ZNF493: variants seen among roughly 807,000 people sequenced by gnomAD.
ZNF493 encodes the protein zinc finger protein 493.
Under a neutral mutation model 12.2 loss-of-function variants are expected in ZNF493, and 11 were observed. That is an observed-to-expected ratio of 0.90 (90% confidence interval 0.57 to 1.50). The LOEUF (loss-of-function observed/expected upper bound fraction) is 1.50, where lower values mean the gene tolerates loss of function less well. Among genes scored for constraint, ZNF493 ranks in the 40% most tolerant of loss-of-function variants. The pLI is 0.00. For synonymous variants in ZNF493, 286 were observed against 302.6 expected (o/e 0.95, Z 0.57); for missense variants, 950 against 906.6 (o/e 1.05, Z -0.61).
intron 3 of ZNF493, chr19:21,413,822 G>C (rs1257622399): frequency 5.0e-6 from 1 of 201,318 alleles, no homozygotes; most frequent in Non-Finnish European, 9.9e-6. Context: ...CTGTTCAGCT[G>C]CTGATAACAT....
chr19:21,425,377 CT>C lies in ZNF493; in HGVS notation c.*398del, dbSNP rs1252100797. On this transcript the variant is annotated 3_prime_UTR_variant, in exon 4 of 4. Transcript: ENST00000392288. ...TACAAATATGAGGAATGTCTCAAAG[CT>C]TTTTACTGATTCTTATACCTTACTA... 9.9e-5 allele frequency: 41 copies of C among 412,868 alleles called. 1 individual carries two copies. The East Asian group carries it at 2.0e-3, about 21-fold the overall frequency. The allele number at this position is 412,868 out of a possible 1,614,324, so 25.6% of individuals were successfully genotyped here.
At position 21,410,497 on chromosome 19, in the gene ZNF493, T is replaced by C. The variant is rs530891450; in HGVS notation, c.253+4641T>C. 6.4e-4 allele frequency among the ~76,000 whole-genome samples: 98 copies of C among 152,154 alleles called. 1 individual carries two copies. The highest frequency in any genetic ancestry group is 1.0e-3 in the Non-Finnish European group (68 of 68,022). ...ATTTCAAATGCTCTTTTTCTATATG[T>C]GTATCTTTTCTGATGAAAATTTTGT... On this transcript the variant is annotated intron_variant, in intron 3 of 3. Transcript: ENST00000392288.
chr19:21,411,366 A>G (rs2030320279), intron 3 of ZNF493, among the ~76,000 whole-genome samples: 1 of 152,074 alleles, frequency 6.6e-6, no homozygotes, highest in South Asian at 2.1e-4. Flanking sequence ...CAGAAAGTAT[A>G]ATGTCTCTCT....
At chr19:21,400,587 G>T (rs1480901545) in intron 1 of ZNF493, among the ~76,000 whole-genome samples, 1 of 152,138 alleles carries the variant, frequency 6.6e-6, no homozygotes, top group Non-Finnish European at 1.5e-5. Flanking sequence ...CCTGCAAAAG[G>T]AGTTTATTAA....
rs149686916 is a variant in ZNF493, at chr19:21,420,975, C to T, written c.254-1938C>T. ...GTTGGTCAGGCTGGTCTTGAACTCC[C>T]GACCTCAGGTTGTTGGCATGCCTTG... is the stretch of plus-strand genomic sequence containing the variant. On this transcript the variant is annotated intron_variant, in intron 3 of 3. Transcript: ENST00000392288. Among the ~76,000 whole-genome samples the T allele has an allele frequency of 1.7e-3, 255 of 151,758 alleles. 1 individual carries two copies. The highest frequency in any genetic ancestry group is 5.8e-3 in the African/African-American group (239 of 41,376).
At chr19:21,418,791 T>C (rs1599378125) in intron 3 of ZNF493, among the ~76,000 whole-genome samples, 3 of 152,324 alleles carry the variant, frequency 2.0e-5, no homozygotes, top group Non-Finnish European at 2.9e-5. Context: ...TGGGTTGGGC[T>C]AGTTATCTGC....
chr19:21,412,890 C>T (rs1028886163), intron 3 of ZNF493: 10 of 426,836 alleles, frequency 2.3e-5, no homozygotes, highest in African/African-American at 1.9e-4. Context: ...TCCACAAATC[C>T]TTGTGTTTAG....
At position 21,424,405 on chromosome 19, in the gene ZNF493, T is replaced by C. The variant is rs1418846434; in HGVS notation, c.1746T>C (p.Phe582=). The C allele has an allele frequency of 6.2e-7, 1 of 1,613,300 alleles. No homozygotes were observed. The highest frequency in any genetic ancestry group is 8.5e-7 in the Non-Finnish European group (1 of 1,179,690). The change falls in exon 4 of 4, where the codon TTT becomes TTC. Residue 582 remains phenylalanine, a synonymous_variant. Transcript: ENST00000392288. ...PYKCKECGKS[F]SVFSTLTKHK... The stretch of plus-strand genomic sequence containing the variant: ...AATGTAAAGAATGTGGCAAATCCTT[T>C]AGTGTATTCTCAACCCTTACTAAAC...
At chr19:21,411,001 G>A (rs2030307780) in intron 3 of ZNF493, among the ~76,000 whole-genome samples, 3 of 151,986 alleles carry the variant, frequency 2.0e-5, no homozygotes. Flanking sequence ...TGTTGGTCAG[G>A]CTGGTCTGGA....
At position 21,423,531 on chromosome 19, in the gene ZNF493, A is replaced by C. The variant is rs1246788542; in HGVS notation, c.872A>C (p.Lys291Thr). The change falls in exon 4 of 4, where the codon AAA (lysine) becomes ACA (threonine). Residue 291 changes from lysine (K) to threonine (T), a missense_variant. Coordinates refer to ENST00000392288, the MANE Select transcript of ZNF493 (RefSeq NM_001076678.3). Reference sequence around the variant, plus strand: ...CATAAGCTAATTCATACTAGAGAGAAACCCTATAAATGTGAACAATATGGC... The same window carrying C: ...CATAAGCTAATTCATACTAGAGAGACACCCTATAAATGTGAACAATATGGC... Reference protein sequence around the residue: ...TRHKLIHTREKPYKCEQYGKT... With the variant: ...TRHKLIHTRETPYKCEQYGKT... 2.5e-6 allele frequency: 4 copies of C among 1,613,792 alleles called. No individual in the cohort carries two copies. The South Asian group carries it at 4.4e-5, about 18-fold the overall frequency.
chr19:21,408,370 T>TC (rs2030207248), intron 3 of ZNF493: 1 of 900,300 alleles, frequency 1.1e-6, no homozygotes, highest in South Asian at 5.1e-5. Flanking sequence ...CCTCAGGTGA[T>TC]CCACCCGCCT....
chr19:21,412,747 T>C (rs1009454027), intron 3 of ZNF493: 5 of 267,424 alleles, frequency 1.9e-5, no homozygotes, highest in African/African-American at 1.2e-4. Context: ...TTCTTGGCAT[T>C]AACATCAGGT....
intron 3 of ZNF493, among the ~76,000 whole-genome samples, chr19:21,418,362 A>G (rs1456209028): frequency 6.6e-6 from 1 of 152,200 alleles, no homozygotes; most frequent in Non-Finnish European, 1.5e-5. Flanking sequence ...GGAATGAACC[A>G]CAGCACACAC....
intron 3 of ZNF493, among the ~76,000 whole-genome samples, chr19:21,417,308 C>G (rs961519439): frequency 1.3e-5 from 2 of 152,108 alleles, no homozygotes; most frequent in Admixed American, 1.3e-4. Flanking sequence ...TTTCCTTTAT[C>G]CACTCTCAGT....
chr19:21,417,272 T>G (rs1375772962), intron 3 of ZNF493, among the ~76,000 whole-genome samples: 1 of 152,204 alleles, frequency 6.6e-6, no homozygotes, highest in Non-Finnish European at 1.5e-5. Context: ...TTCCCACAGT[T>G]AAAACAAGCT....
intron 1 of ZNF493, 85 bp from the exon 2 acceptor site, chr19:21,405,044 C>T: frequency 6.6e-7 from 1 of 1,522,812 alleles, no homozygotes; most frequent in Non-Finnish European, 8.8e-7. Flanking sequence ...TCTTTACTTT[C>T]TCATTTGACC....
intron 3 of ZNF493, among the ~76,000 whole-genome samples, chr19:21,421,312 T>C (rs2030672263): frequency 1.3e-5 from 2 of 152,170 alleles, no homozygotes; most frequent in Non-Finnish European, 2.9e-5. Flanking sequence ...CATATTTCAC[T>C]CATTGAGTGT....
chr19:21,399,750 C>G (rs143607520), intron 1 of ZNF493, among the ~76,000 whole-genome samples: 1 of 152,062 alleles, frequency 6.6e-6, no homozygotes, highest in African/African-American at 2.4e-5. Flanking sequence ...AACAGAATTT[C>G]AAGGCTTAGC....
chr19:21,417,990 T>C (rs1044744864), intron 3 of ZNF493, among the ~76,000 whole-genome samples: 11 of 152,196 alleles, frequency 7.2e-5, no homozygotes, highest in Admixed American at 5.9e-4. Context: ...AGCTATAATA[T>C]TTCACCATTG....
Sources: allele counts gnomAD v4.1 joint callset (sites outside exome capture counted in the v4.1 genomes callset), GRCh38; gene constraint gnomAD v4.1.1; transcripts MANE v1.5; gene names NCBI Gene and HGNC (gene_info 2026-07-23, HGNC 2026-07-21).